Variants in LRRC37A2 observed in about 807,000 individuals in gnomAD.
LRRC37A2 encodes the protein leucine-rich repeat-containing protein 37A2.
In LRRC37A2, 9 loss-of-function variants were observed where a neutral mutation model predicts 68.8. That is an observed-to-expected ratio of 0.13 (90% CI 0.08 to 0.23). LRRC37A2 has a LOEUF of 0.23. LRRC37A2 is among the 10% of genes least tolerant of loss of function. The pLI is 1.00. For synonymous variants in LRRC37A2, 63 were observed against 367.6 expected, an observed-to-expected ratio of 0.17 and a Z score of 9.48; for missense variants, 168 against 950.4, an observed-to-expected ratio of 0.18 and a Z score of 10.82.
At chr17:46,894,176 G>T in the LRRC37A2 span, among the ~76,000 whole-genome samples, 1 of 152,232 alleles carries the variant, frequency 6.6e-6, no homozygotes, top group African/African-American at 2.4e-5. Flanking sequence ...CCCTGGCTTT[G>T]TTCTGAGCTA....
At chr17:46,414,806 G>GT in the LRRC37A2 span, among the ~76,000 whole-genome samples, 5 of 98,078 alleles carry the variant, frequency 5.1e-5, no homozygotes, top group Admixed American at 5.1e-4. Flanking sequence ...ACTTGAAATT[G>GT]TAACAGTTTG....
At chr17:46,939,299 C>T in the LRRC37A2 span, 1 of 1,014,100 alleles carries the variant, frequency 9.9e-7, no homozygotes, top group Admixed American at 5.1e-5. Flanking sequence ...GACTGACTGC[C>T]AATACTTGTC....
the LRRC37A2 span, chr17:47,018,712 A>G: frequency 6.6e-7 from 1 of 1,520,580 alleles, no homozygotes; most frequent in East Asian, 2.3e-5. Context: ...CAGACCGCTG[A>G]GGAGGGTGAA....
the LRRC37A2 span, among the ~76,000 whole-genome samples, chr17:46,883,744 C>A: frequency 1.3e-5 from 2 of 152,312 alleles, no homozygotes; most frequent in African/African-American, 4.8e-5. Context: ...GAGGGAGTTG[C>A]AAGGATTCAG....
the LRRC37A2 span, among the ~76,000 whole-genome samples, chr17:46,934,778 T>C: frequency 2.3e-4 from 35 of 152,330 alleles, no homozygotes; most frequent in African/African-American, 8.4e-4. Context: ...GAGACAAGTA[T>C]CGTTGGAATG....
At chr17:46,862,468 T>A in the LRRC37A2 span, among the ~76,000 whole-genome samples, 1 of 152,182 alleles carries the variant, frequency 6.6e-6, no homozygotes, top group Non-Finnish European at 1.5e-5. Context: ...TAAAAAAACT[T>A]GTAGTTTTCT....
the LRRC37A2 span, among the ~76,000 whole-genome samples, chr17:46,883,184 A>G: frequency 4.0e-5 from 6 of 151,358 alleles, no homozygotes; most frequent in African/African-American, 1.5e-4. Flanking sequence ...GGGTTTCACC[A>G]CGTTAGCCAG....
chr17:46,711,028 C>T, the LRRC37A2 span: 3 of 1,592,030 alleles, frequency 1.9e-6, no homozygotes, highest in East Asian at 4.7e-5. Flanking sequence ...AATGGGGTGA[C>T]CCAGTTACTC....
At chr17:47,024,073 T>C in the LRRC37A2 span, among the ~76,000 whole-genome samples, 1 of 152,104 alleles carries the variant, frequency 6.6e-6, no homozygotes, top group Non-Finnish European at 1.5e-5. Flanking sequence ...AACTGAATAT[T>C]TGGCCAGGTG....
the LRRC37A2 span, among the ~76,000 whole-genome samples, chr17:46,732,776 T>C: frequency 6.6e-6 from 1 of 152,178 alleles, no homozygotes; most frequent in East Asian, 1.9e-4. Context: ...AGTTTCCCTG[T>C]GTTCTGCAGG....
the LRRC37A2 span, chr17:46,932,507 G>A: frequency 1.7e-6 from 1 of 590,528 alleles, no homozygotes; most frequent in South Asian, 2.1e-5. Context: ...ACGTTTTTCT[G>A]ATCAGATAGA....
At chr17:46,937,731 C>A in the LRRC37A2 span, 13 of 152,334 alleles carry the variant, frequency 8.5e-5, no homozygotes, top group East Asian at 2.3e-3. Flanking sequence ...TTCCAAGGTT[C>A]ATTCATATTG....
At chr17:46,775,942 C>T in the LRRC37A2 span, among the ~76,000 whole-genome samples, 1 of 152,190 alleles carries the variant, frequency 6.6e-6, no homozygotes, top group East Asian at 1.9e-4. Context: ...GTGGTAATGG[C>T]TAATTACTGA....
the LRRC37A2 span, among the ~76,000 whole-genome samples, chr17:46,967,691 T>A: frequency 4.6e-5 from 7 of 151,468 alleles, no homozygotes; most frequent in Admixed American, 4.6e-4. Context: ...CCCTAGGAGG[T>A]CTTGAAAACT....
At chr17:46,874,936 G>C in the LRRC37A2 span, 1 of 1,064,322 alleles carries the variant, frequency 9.4e-7, no homozygotes, top group Non-Finnish European at 1.5e-6. Flanking sequence ...TTGACAGGGA[G>C]ACCCACCCGG....
the LRRC37A2 span, among the ~76,000 whole-genome samples, chr17:46,861,787 G>A: frequency 6.6e-6 from 1 of 152,328 alleles, no homozygotes; most frequent in South Asian, 2.1e-4. Context: ...TGGTTTTAGG[G>A]CAAGACCAAA....
the LRRC37A2 span, among the ~76,000 whole-genome samples, chr17:46,822,345 G>A: frequency 1.3e-5 from 2 of 152,202 alleles, no homozygotes; most frequent in South Asian, 4.1e-4. Context: ...CCACTGCCCA[G>A]CCTAGTTTGC....
chr17:46,868,645 T>C, the LRRC37A2 span, among the ~76,000 whole-genome samples: 2 of 152,108 alleles, frequency 1.3e-5, no homozygotes, highest in African/African-American at 4.8e-5. Context: ...AAACACATTT[T>C]TCTGGGTTCA....
chr17:46,801,497 G>A, the LRRC37A2 span, among the ~76,000 whole-genome samples: 1 of 152,292 alleles, frequency 6.6e-6, no homozygotes, highest in South Asian at 2.1e-4. Flanking sequence ...GCAGGCGCCT[G>A]TAATCCCAGC....
Sources: gnomAD v4.1 joint callset for allele counts (sites outside exome capture counted in the v4.1 genomes callset) on GRCh38, gnomAD v4.1.1 for gene constraint, MANE v1.5 for transcripts, NCBI Gene and HGNC (gene_info 2026-07-23, HGNC 2026-07-21) for gene names.